The following MRPS31 variants were observed in gnomAD, a reference collection of about 807,000 sequenced individuals.
MRPS31 encodes small ribosomal subunit protein mS31.
In MRPS31, 32 loss-of-function variants were observed where a neutral mutation model predicts 43.1. That is an observed-to-expected ratio of 0.74 (90% CI 0.56 to 1.00). The LOEUF is 1.00. Ranked by LOEUF, MRPS31 falls within the 50% of genes least tolerant of loss-of-function variation. MRPS31 has a pLI of 0.00. For synonymous variants in MRPS31, 165 were observed against 161.6 expected (o/e 1.02, Z -0.16); for missense variants, 437 against 466.7 (o/e 0.94, Z 0.59).
chr13:40,769,034 T>C (rs1880925269), intron 1 of MRPS31, among the ~76,000 whole-genome samples: 1 of 152,076 alleles, frequency 6.6e-6, no homozygotes, highest in Non-Finnish European at 1.5e-5. Flanking sequence ...CCCCAGGTGA[T>C]TCCCATGCAG....
At chr13:40,758,829 AT>A in intron 3 of MRPS31, 118 bp downstream of exon 3, 1 of 935,298 alleles carries the variant, frequency 1.1e-6, no homozygotes, top group African/African-American at 1.7e-5. Context: ...ATTATGTGGT[AT>A]ATTTTATATA....
intron 6 of MRPS31, among the ~76,000 whole-genome samples, chr13:40,740,954 A>T (rs1314995480): frequency 1.3e-5 from 2 of 151,462 alleles, no homozygotes; most frequent in African/African-American, 4.8e-5. Context: ...AATTAAAAAA[A>T]AAAACAACAA....
intron 1 of MRPS31, among the ~76,000 whole-genome samples, chr13:40,767,777 G>GC (rs780278784): frequency 2.0e-5 from 3 of 152,200 alleles, no homozygotes; most frequent in Non-Finnish European, 4.4e-5. Flanking sequence ...GTGACTGACT[G>GC]CAAGTCCTTG....
At chr13:40,763,420 G>A (rs1880757041) in intron 2 of MRPS31, among the ~76,000 whole-genome samples, 1 of 152,206 alleles carries the variant, frequency 6.6e-6, no homozygotes, top group Non-Finnish European at 1.5e-5. Flanking sequence ...AGTTTCCAGG[G>A]TCCCTGCAAA....
At chr13:40,737,820 C>T (rs1438690326) in intron 6 of MRPS31, among the ~76,000 whole-genome samples, 2 of 151,212 alleles carry the variant, frequency 1.3e-5, no homozygotes, top group Non-Finnish European at 2.9e-5. Flanking sequence ...CACTAAATGC[C>T]CACAAGAGAA....
chr13:40,759,088 A>G lies in MRPS31; in HGVS notation c.459T>C (p.Pro153=), dbSNP rs1164576439. 1.3e-6 allele frequency: 2 copies of G among 1,584,880 alleles called. No individual in the cohort carries two copies. The highest frequency in any genetic ancestry group is 3.8e-5 in the Admixed American group (2 of 52,600). ...CAGCAGATGCAGCTGCCACCAACTC[A>G]GGACTCAGGGGCTCAATTCTGAAAA... ...APKKRIEPLS[P]ELVAAASAVA... The change falls in exon 3 of 7, where the codon CCT becomes CCC. Residue 153 remains proline, a synonymous_variant. Coordinates refer to ENST00000323563, the MANE Select transcript of MRPS31 (RefSeq NM_005830.4).
chr13:40,744,013 T>C (rs548240880), intron 6 of MRPS31, among the ~76,000 whole-genome samples: 1 of 152,310 alleles, frequency 6.6e-6, no homozygotes, highest in South Asian at 2.1e-4. Context: ...TGGGATACTA[T>C]GCAGCTATAA....
chr13:40,745,752 C>G (rs981506768), intron 6 of MRPS31, among the ~76,000 whole-genome samples: 1 of 151,404 alleles, frequency 6.6e-6, no homozygotes, highest in African/African-American at 2.4e-5. Context: ...AAGAAGCCAA[C>G]CCCCCAACAA....
chr13:40,748,198 C>A (rs1880292333), intron 6 of MRPS31, among the ~76,000 whole-genome samples: 1 of 152,150 alleles, frequency 6.6e-6, no homozygotes, highest in African/African-American at 2.4e-5. Flanking sequence ...ACTCTTGTTG[C>A]CCAGGCTGGA....
chr13:40,755,659 C>T (rs1383985051), intron 4 of MRPS31, among the ~76,000 whole-genome samples: 3 of 152,138 alleles, frequency 2.0e-5, no homozygotes, highest in Admixed American at 6.6e-5. Flanking sequence ...CCAGATCCTG[C>T]CCCAGTCATA....
At chr13:40,756,769 G>T in intron 4 of MRPS31, 104 bp downstream of exon 4, 1 of 1,254,916 alleles carries the variant, frequency 8.0e-7, no homozygotes, top group Non-Finnish European at 1.1e-6. Flanking sequence ...ATAATGTTCA[G>T]ATATCCAACA....
rs757919004 is a variant in MRPS31 at position 40,749,146 on chromosome 13, T to C, written c.950A>G (p.Asn317Ser). Residue 317 changes from asparagine to serine, a missense_variant, in exon 6 of 7, where the codon AAT (asparagine) becomes AGT (serine). By Grantham distance (46) the Asn-to-Ser change is conservative. Transcript: ENST00000323563. Reference protein sequence around the residue: ...EGKLWEFPINNEAGFDDDGSE... With the variant: ...EGKLWEFPINSEAGFDDDGSE... ...CTGAAATTAACACTTACCTGCTTCA[T>C]TGTTAATTGGGAACTCCCATAGTTT... is the stretch of plus-strand genomic sequence containing the variant. 31 of 1,596,698 alleles carry C rather than the reference T, an allele frequency of 1.9e-5. No homozygotes were observed. In the South Asian group the frequency reaches 3.0e-4, roughly 15 times the overall value.
chr13:40,750,882 G>GT (rs1735574919), intron 5 of MRPS31, among the ~76,000 whole-genome samples: 1 of 151,176 alleles, frequency 6.6e-6, no homozygotes, highest in African/African-American at 2.4e-5. Context: ...ACTTTAGCGC[G>GT]TATCTGTAAT....
At position 40,757,196 on chromosome 13, in the gene MRPS31, A is replaced by G. The variant is rs180713198; in HGVS notation, c.600-183T>C. ...CATTCACATAACACAGAACATTACA[A>G]TTTATGTTTACTTTCATCTTTTAAA... On this transcript the variant is annotated intron_variant, in intron 3 of 6. Coordinates refer to ENST00000323563, the MANE Select transcript of MRPS31 (RefSeq NM_005830.4). 1.7e-3 allele frequency among the ~76,000 whole-genome samples: 266 copies of G among 152,326 alleles called. 1 individual carries two copies. Among genetic ancestry groups the G allele is most frequent in the Non-Finnish European group, 3.1e-3 (211 of 68,038 alleles).
chr13:40,734,895 C>CA (rs1374396791), intron 6 of MRPS31, among the ~76,000 whole-genome samples: 3 of 152,092 alleles, frequency 2.0e-5, no homozygotes, highest in Non-Finnish European at 4.4e-5. Flanking sequence ...GACCCTGTCT[C>CA]AAAAAACCCC....
chr13:40,769,365 ACT>A (rs1254118604), intron 1 of MRPS31, among the ~76,000 whole-genome samples: 1 of 113,258 alleles, frequency 8.8e-6, no homozygotes, highest in Non-Finnish European at 1.9e-5. Flanking sequence ...ACAGAGCAAG[ACT>A]CTGTCCATAT....
At position 40,749,122 on chromosome 13, in the gene MRPS31, T is replaced by C. The variant is rs754211778; in HGVS notation, c.958+16A>G. Reference sequence around the variant, plus strand: ...TCAATCAATACGTTTTATAATCCCCTGAAATTAACACTTACCTGCTTCATT... The same window carrying C: ...TCAATCAATACGTTTTATAATCCCCCGAAATTAACACTTACCTGCTTCATT... On this transcript the variant is annotated intron_variant, in intron 6 of 6. Transcript: ENST00000323563. 1.3e-6 allele frequency: 2 copies of C among 1,582,914 alleles called. No homozygotes were observed. The highest frequency in any genetic ancestry group is 1.2e-5 in the South Asian group (1 of 84,394).
intron 6 of MRPS31, among the ~76,000 whole-genome samples, chr13:40,742,782 C>A (rs1006098173): frequency 6.6e-6 from 1 of 152,122 alleles, no homozygotes; most frequent in Non-Finnish European, 1.5e-5. Flanking sequence ...ACCTTCTTTG[C>A]CCACTGAAGC....
chr13:40,731,580 C>CA (rs530596103), intron 6 of MRPS31, among the ~76,000 whole-genome samples: 4,876 of 78,254 alleles, frequency 0.062, 202 homozygotes, highest in East Asian at 0.25. Context: ...AGACTCTGTC[C>CA]AAAAAAAAAA....
Sources: allele counts gnomAD v4.1 joint callset (sites outside exome capture counted in the v4.1 genomes callset), GRCh38; gene constraint gnomAD v4.1.1; transcripts MANE v1.5; gene names NCBI Gene and HGNC (gene_info 2026-07-23, HGNC 2026-07-21).